The following RPTOR variants were observed in gnomAD, a reference collection of about 807,000 sequenced individuals.
RPTOR encodes the protein regulatory associated protein of MTOR complex 1.
Under a neutral mutation model 169.9 loss-of-function variants are expected in RPTOR, and 21 were observed. The observed-to-expected ratio is 0.12, with a 90% CI of 0.09 to 0.18. RPTOR has a LOEUF of 0.18. RPTOR is among the 10% of genes least tolerant of loss of function. The pLI, the probability that RPTOR is intolerant of heterozygous loss-of-function variation, is 1.00. For synonymous variants in RPTOR, 732 were observed against 753.2 expected (o/e 0.97, Z 0.46); for missense variants, 1,133 against 1,855.9 (o/e 0.61, Z 7.16).
chr17:80,624,936 C>A (rs952410715), intron 1 of RPTOR, among the ~76,000 whole-genome samples: 14 of 152,210 alleles, frequency 9.2e-5, no homozygotes, highest in Non-Finnish European at 1.3e-4. Flanking sequence ...CGTTCCCCAG[C>A]TGGCTCCACC....
In RPTOR at chr17:80,861,170, T is replaced by C. The variant is rs1320550161; in HGVS notation, c.1509+3270T>C. On this transcript the variant is annotated intron_variant, in intron 13 of 33. Coordinates refer to ENST00000306801, the MANE Select transcript of RPTOR (RefSeq NM_020761.3). The surrounding 1 kb of genome is among the most constrained non-coding windows in gnomAD (Gnocchi z 4.5). ...CTGAGTTTGATCCCATCACCGCATT[T>C]GCTCTTACAAGTCATTTTCACTTCC... Among the ~76,000 whole-genome samples the C allele has an allele frequency of 1.4e-5, 2 of 145,134 alleles. No homozygotes were observed. The highest frequency in any genetic ancestry group is 2.4e-5 in the African/African-American group (1 of 40,984).
At chr17:80,712,439 A>G (rs752948745) in intron 4 of RPTOR, among the ~76,000 whole-genome samples, 1 of 152,172 alleles carries the variant, frequency 6.6e-6, no homozygotes, top group South Asian at 2.1e-4. Flanking sequence ...CTTTTCAGAC[A>G]GGCTTCTCTG....
At chr17:80,906,128 G>A (rs540042965) in intron 20 of RPTOR, among the ~76,000 whole-genome samples, 11 of 152,128 alleles carry the variant, frequency 7.2e-5, no homozygotes, top group African/African-American at 2.2e-4. Flanking sequence ...AGCGAACTTC[G>A]CCAGTGAGGC....
In RPTOR at chr17:80,883,831, C is replaced by T. The variant is rs752184299; in HGVS notation, c.1701C>T (p.Asn567=). The change falls in exon 16 of 34, where the codon AAC becomes AAT. Residue 567 remains asparagine, a synonymous_variant. Transcript: ENST00000306801. ...TTGCCATCTGCCTGGAGCAGCTCAA[C>T]GACCCGCACCCCTTGCTGCGCCAGT... ...NLIAICLEQL[N]DPHPLLRQWV... is the part of the protein sequence containing the mutation. 12 of 1,613,640 alleles carry T rather than the reference C, an allele frequency of 7.4e-6. No individual in the cohort carries two copies. The highest frequency in any genetic ancestry group is 2.7e-5 in the African/African-American group (2 of 74,956).
At chr17:80,892,694 G>A in intron 18 of RPTOR, 35 bp from the exon 19 acceptor site, 2 of 1,604,658 alleles carry the variant, frequency 1.2e-6, no homozygotes, top group Non-Finnish European at 1.7e-6. Context: ...CCACCTGGAA[G>A]CCCATTGTAA....
intron 3 of RPTOR, among the ~76,000 whole-genome samples, chr17:80,658,815 A>AT (rs1429009289): frequency 2.0e-5 from 3 of 151,824 alleles, no homozygotes; most frequent in African/African-American, 7.3e-5. Flanking sequence ...ATTCCATTGT[A>AT]TTTTTCTATT....
Position 80,825,843 on chromosome 17 carries a change from C to T in RPTOR, c.1136+2620C>T, listed in dbSNP as rs1049587408. Among the ~76,000 whole-genome samples the T allele has an allele frequency of 2.6e-5, 4 of 152,222 alleles. No individual in the cohort carries two copies. In the East Asian group the frequency reaches 5.8e-4, roughly 22 times the overall value. ...CCATCATCCCACCACAAGCAGCCTG[C>T]GGTGTCGTGTCCTCCCGCTTCCCTT... On this transcript the variant is annotated intron_variant, in intron 9 of 33. Coordinates refer to ENST00000306801, the MANE Select transcript of RPTOR (RefSeq NM_020761.3).
At chr17:80,825,193 C>T (rs866956669) in intron 9 of RPTOR, among the ~76,000 whole-genome samples, 3 of 148,614 alleles carry the variant, frequency 2.0e-5, no homozygotes, top group South Asian at 2.2e-4. Context: ...ATCTAGAGGC[C>T]GCGTGGCGAG....
At chr17:80,839,719 C>T (rs1189345753) in intron 10 of RPTOR, among the ~76,000 whole-genome samples, 4 of 152,180 alleles carry the variant, frequency 2.6e-5, no homozygotes, top group Non-Finnish European at 5.9e-5. Context: ...TGGAAACCTT[C>T]GGGAAACTGG....
intron 28 of RPTOR, among the ~76,000 whole-genome samples, chr17:80,949,825 C>G (rs1258322999): frequency 1.3e-5 from 2 of 152,258 alleles, no homozygotes; most frequent in Non-Finnish European, 2.9e-5. Context: ...CAGACATGTG[C>G]TGCTTGGGAC....
Position 80,964,880 on chromosome 17 carries a change from CAA to C in RPTOR, c.*551_*552del, listed in dbSNP as rs1250493726. 4.3e-6 allele frequency: 1 copy of C among 234,078 alleles called. No homozygotes were observed. Among genetic ancestry groups the C allele is most frequent in the Admixed American group, 5.6e-5 (1 of 17,902 alleles). The allele number at this position is 234,078 out of a possible 1,614,324, so 14.5% of individuals were successfully genotyped here. A position where few individuals can be genotyped will look rare whatever the true frequency, so the allele number is the denominator to read the frequency against. On this transcript the variant is annotated 3_prime_UTR_variant, in exon 34 of 34. Transcript: ENST00000306801. Reference sequence around the variant, plus strand: ...GGGGGACACTGGAAATTCGGGAAACCAAGAGAGAGGAAGAAGGAGACGCCCCT... The same window carrying C: ...GGGGGACACTGGAAATTCGGGAAACCGAGAGAGGAAGAAGGAGACGCCCCT...
chr17:80,893,512 AGGGTGTGTGTATGTC>A (rs906793591), intron 19 of RPTOR, among the ~76,000 whole-genome samples, 180 bp from the exon 20 acceptor site: 3 of 131,600 alleles, frequency 2.3e-5, no homozygotes, highest in Non-Finnish European at 4.8e-5. Context: ...TGTGTGTATG[AGGGTGTGTGTATGTC>A]GGGTGTGTGT....
At chr17:80,843,614 G>A (rs1012819863) in intron 10 of RPTOR, among the ~76,000 whole-genome samples, 10 of 152,172 alleles carry the variant, frequency 6.6e-5, no homozygotes, top group South Asian at 6.2e-4. Context: ...CTACAGAGCC[G>A]TACAGAGGGG....
intron 20 of RPTOR, among the ~76,000 whole-genome samples, chr17:80,903,320 T>C (rs2143914351): frequency 6.6e-6 from 1 of 152,258 alleles, no homozygotes; most frequent in Admixed American, 6.5e-5. Flanking sequence ...ACCCCTCTAC[T>C]TCGTTCCGAA....
At chr17:80,779,796 G>A (rs916705021) in intron 6 of RPTOR, among the ~76,000 whole-genome samples, 1 of 152,172 alleles carries the variant, frequency 6.6e-6, no homozygotes, top group Admixed American at 6.5e-5. Flanking sequence ...GACAAACTGT[G>A]TTTCAAGCAT....
chr17:80,669,567 A>G (rs1018169033), intron 3 of RPTOR, among the ~76,000 whole-genome samples: 5 of 152,178 alleles, frequency 3.3e-5, no homozygotes, highest in African/African-American at 9.6e-5. Flanking sequence ...TATTTTTAAT[A>G]GAGATGGGGT....
intron 1 of RPTOR, among the ~76,000 whole-genome samples, chr17:80,579,799 C>T (rs1300975474): frequency 2.0e-5 from 3 of 152,170 alleles, no homozygotes; most frequent in Non-Finnish European, 2.9e-5. Context: ...TTAAGTGTCA[C>T]TTACTAGAGT....
At chr17:80,697,305 GCA>G in intron 3 of RPTOR, among the ~76,000 whole-genome samples, 1 of 152,330 alleles carries the variant, frequency 6.6e-6, no homozygotes, top group East Asian at 1.9e-4. Context: ...TGGTTAAAAG[GCA>G]TTATTCAGAA....
At chr17:80,927,675 G>T (rs1355115069) in intron 24 of RPTOR, among the ~76,000 whole-genome samples, 1 of 150,222 alleles carries the variant, frequency 6.7e-6, no homozygotes, top group Non-Finnish European at 1.5e-5. Flanking sequence ...TCTGTGTGAT[G>T]TGTGTGTGTA....
Sources: gnomAD v4.1 joint callset for allele counts (sites outside exome capture counted in the v4.1 genomes callset) on GRCh38, gnomAD v4.1.1 for gene constraint, Gnocchi (gnomAD v3.1) non-coding constraint, MANE v1.5 for transcripts, NCBI Gene and HGNC (gene_info 2026-07-23, HGNC 2026-07-21) for gene names.